NRXN1: variants seen among roughly 807,000 people sequenced by gnomAD.
NRXN1 encodes neurexin-1.
A neutral mutation model predicts 150.9 loss-of-function variants in NRXN1; 39 were observed. The observed-to-expected ratio is 0.26, with a 90% CI of 0.20 to 0.34. The LOEUF is 0.34. NRXN1 is among the 10% of genes least tolerant of loss of function. The pLI is 1.00. For synonymous variants in NRXN1, 924 were observed against 757.0 expected, an observed-to-expected ratio of 1.22 and a Z score of -3.62; for missense variants, 1,815 against 1,949.9, an observed-to-expected ratio of 0.93 and a Z score of 1.30.
chr2:50,100,682 ATAT>A (rs1700863719), intron 18 of NRXN1, among the ~76,000 whole-genome samples: 1 of 152,062 alleles, frequency 6.6e-6, no homozygotes. Flanking sequence ...ACGTTTGCAG[ATAT>A]CACGATAGCT....
At chr2:50,336,648 C>T (rs1208977330) in intron 17 of NRXN1, among the ~76,000 whole-genome samples, 2 of 152,140 alleles carry the variant, frequency 1.3e-5, no homozygotes, top group Non-Finnish European at 2.9e-5. Context: ...TCTATTATCA[C>T]AGCAGATTAT....
intron 5 of NRXN1, among the ~76,000 whole-genome samples, chr2:50,786,663 T>A (rs1559260702): frequency 6.6e-6 from 1 of 152,176 alleles, no homozygotes; most frequent in East Asian, 1.9e-4. Flanking sequence ...CACATCTGTG[T>A]GTGTCTGTGT....
At chr2:50,070,974 G>T (rs1696207039) in intron 19 of NRXN1, among the ~76,000 whole-genome samples, 1 of 152,074 alleles carries the variant, frequency 6.6e-6, no homozygotes, top group Admixed American at 6.5e-5. Flanking sequence ...GTTATTTCTA[G>T]TGATCTCTAA....
chr2:50,056,053 T>C (rs1044813203), intron 19 of NRXN1, among the ~76,000 whole-genome samples: 1 of 152,156 alleles, frequency 6.6e-6, no homozygotes, highest in Non-Finnish European at 1.5e-5. Flanking sequence ...TTGAGTTGTG[T>C]ATAATGCAAG....
intron 8 of NRXN1, among the ~76,000 whole-genome samples, chr2:50,597,739 A>C (rs1474062273): frequency 1.3e-5 from 2 of 152,200 alleles, no homozygotes; most frequent in Non-Finnish European, 2.9e-5. Context: ...ACACATTCAG[A>C]ATGCTGCTCA....
intron 21 of NRXN1, among the ~76,000 whole-genome samples, chr2:50,038,770 C>G (rs2152574699): frequency 7.0e-6 from 1 of 143,580 alleles, no homozygotes; most frequent in Middle Eastern, 3.4e-3. Context: ...TCCCTCCCTC[C>G]TTTCCTTCCT....
intron 21 of NRXN1, among the ~76,000 whole-genome samples, chr2:49,980,377 G>A (rs1014932932): frequency 2.0e-5 from 3 of 151,960 alleles, no homozygotes; most frequent in Non-Finnish European, 2.9e-5. Context: ...TTTCAGCTTC[G>A]GAATTCTTCT....
intron 8 of NRXN1, among the ~76,000 whole-genome samples, chr2:50,568,367 T>C (rs1670177578): frequency 1.3e-5 from 2 of 152,180 alleles, no homozygotes; most frequent in Non-Finnish European, 2.9e-5. Context: ...ACCCACAGAA[T>C]GGGAGACGAT....
chr2:50,640,680 T>A (rs1016737169), intron 5 of NRXN1, among the ~76,000 whole-genome samples: 6 of 152,180 alleles, frequency 3.9e-5, no homozygotes, highest in Non-Finnish European at 7.3e-5. Context: ...AAAGGAAATA[T>A]CATCTGAGAG....
intron 5 of NRXN1, among the ~76,000 whole-genome samples, chr2:50,758,563 C>T (rs1176960075): frequency 6.6e-6 from 1 of 151,866 alleles, no homozygotes; most frequent in Non-Finnish European, 1.5e-5. Flanking sequence ...CTGCTTCAGC[C>T]TCCCAAGTAG....
intron 2 of NRXN1, among the ~76,000 whole-genome samples, chr2:50,930,185 A>G (rs538776121): frequency 2.8e-4 from 42 of 152,180 alleles, no homozygotes; most frequent in Non-Finnish European, 4.4e-4. Context: ...GGAGTCAACT[A>G]CAACAACCAG....
chr2:50,881,010 C>T (rs2103686295), intron 5 of NRXN1, among the ~76,000 whole-genome samples: 1 of 152,050 alleles, frequency 6.6e-6, no homozygotes, highest in East Asian at 2.0e-4. Context: ...CCAGATTTGG[C>T]AGCTAATTTT....
At chr2:50,261,917 T>C (rs1362746028) in intron 17 of NRXN1, among the ~76,000 whole-genome samples, 1 of 151,878 alleles carries the variant, frequency 6.6e-6, no homozygotes, top group Admixed American at 6.6e-5. Context: ...ATTGAAACTA[T>C]ACAATAATCC....
chr2:50,401,387 T>C (rs1558667013), intron 17 of NRXN1, among the ~76,000 whole-genome samples: 1 of 152,084 alleles, frequency 6.6e-6, no homozygotes, highest in East Asian at 1.9e-4. Flanking sequence ...GATGTTCCAG[T>C]CTCTCCCTGA....
chr2:50,851,301 T>C (rs931728564), intron 5 of NRXN1, among the ~76,000 whole-genome samples: 1 of 152,268 alleles, frequency 6.6e-6, no homozygotes, highest in East Asian at 1.9e-4. Flanking sequence ...GTTGATTCAA[T>C]AACCAAGGTA....
chr2:50,775,007 A>G (rs1703436679), intron 5 of NRXN1, among the ~76,000 whole-genome samples: 1 of 152,148 alleles, frequency 6.6e-6, no homozygotes, highest in Admixed American at 6.6e-5. Flanking sequence ...TACCACTAGT[A>G]TATTAATTCT....
chr2:50,620,557 T>C (rs1679826637), intron 7 of NRXN1, among the ~76,000 whole-genome samples: 1 of 152,168 alleles, frequency 6.6e-6, no homozygotes, highest in Non-Finnish European at 1.5e-5. Flanking sequence ...TAAGGTTTAG[T>C]TGTCTGTTAT....
At chr2:50,024,479 G>T (rs1175342617) in intron 21 of NRXN1, among the ~76,000 whole-genome samples, 2 of 152,114 alleles carry the variant, frequency 1.3e-5, no homozygotes, top group African/African-American at 4.8e-5. Flanking sequence ...ATAGGAGAAA[G>T]CTAACAGTTT....
chr2:50,604,463 A>G (rs1398120299), intron 8 of NRXN1, among the ~76,000 whole-genome samples: 1 of 152,078 alleles, frequency 6.6e-6, no homozygotes, highest in African/African-American at 2.4e-5. Flanking sequence ...CATTTATCCA[A>G]ACTTTTATCC....
Sources: gnomAD v4.1 joint callset for allele counts (sites outside exome capture counted in the v4.1 genomes callset) on GRCh38, gnomAD v4.1.1 for gene constraint, MANE v1.5 for transcripts, NCBI Gene and HGNC (gene_info 2026-07-23, HGNC 2026-07-21) for gene names.